The following SPHKAP variants were observed in gnomAD, a reference collection of about 807,000 sequenced individuals.
The protein encoded by SPHKAP is A-kinase anchor protein SPHKAP.
SPHKAP carries 67 observed loss-of-function variants against 137.5 expected under a neutral mutation model. The ratio of observed to expected loss-of-function variants is 0.49; its 90% CI spans 0.40 to 0.60. The LOEUF is 0.60. Ranked by LOEUF, SPHKAP falls within the 20% of genes least tolerant of loss-of-function variation. The probability of loss-of-function intolerance (pLI) is 0.00; values close to 1 mark genes in which losing one functional copy is unlikely to be tolerated. For missense variants in SPHKAP, 2,097 were observed against 2,069.3 expected (o/e 1.01, Z -0.26); for synonymous variants, 813 against 785.3 (o/e 1.04, Z -0.59).
At chr2:228,108,698 C>A in intron 3 of SPHKAP, 134 bp downstream of exon 3, 1 of 613,458 alleles carries the variant, frequency 1.6e-6, no homozygotes, top group Non-Finnish European at 2.8e-6. Context: ...CATATAAACC[C>A]GCTATGTATT....
At chr2:228,088,682 C>A (rs1697620134) in intron 3 of SPHKAP, among the ~76,000 whole-genome samples, 1 of 152,132 alleles carries the variant, frequency 6.6e-6, no homozygotes, top group African/African-American at 2.4e-5. Context: ...TGGCTTAGCA[C>A]CATCTACTTA....
At chr2:228,016,021 G>A (rs541379856) in intron 7 of SPHKAP, among the ~76,000 whole-genome samples, 41 of 152,194 alleles carry the variant, frequency 2.7e-4, no homozygotes, top group African/African-American at 9.2e-4. Context: ...TTAAAAGGTA[G>A]GAAACCGTAG....
intron 2 of SPHKAP, among the ~76,000 whole-genome samples, chr2:228,122,397 G>T (rs1044015871): frequency 6.6e-6 from 1 of 152,176 alleles, no homozygotes; most frequent in African/African-American, 2.4e-5. Context: ...ACAGAACAAG[G>T]TTGGCATGTT....
chr2:228,105,462 T>C (rs998056593), intron 3 of SPHKAP, among the ~76,000 whole-genome samples: 2 of 152,230 alleles, frequency 1.3e-5, no homozygotes, highest in Admixed American at 1.3e-4. Flanking sequence ...GGTTAGTATA[T>C]ATTTTTTCAG....
intron 11 of SPHKAP, among the ~76,000 whole-genome samples, chr2:227,983,633 T>C (rs1250162886): frequency 1.2e-5 from 1 of 84,454 alleles, no homozygotes; most frequent in Non-Finnish European, 3.3e-5. Flanking sequence ...GAAGACTGTT[T>C]GGAATGTGGA....
At chr2:228,124,803 C>A (rs1220632625) in intron 2 of SPHKAP, among the ~76,000 whole-genome samples, 1 of 152,148 alleles carries the variant, frequency 6.6e-6, no homozygotes, top group Non-Finnish European at 1.5e-5. Context: ...TGTGCCTGAA[C>A]ACATTAATTA....
At chr2:228,038,902 A>G (rs531198555) in intron 3 of SPHKAP, among the ~76,000 whole-genome samples, 1 of 152,376 alleles carries the variant, frequency 6.6e-6, no homozygotes, top group South Asian at 2.1e-4. Flanking sequence ...AGGTACAGGG[A>G]ATACGTACAG....
intron 3 of SPHKAP, among the ~76,000 whole-genome samples, chr2:228,105,638 G>A (rs892445941): frequency 3.3e-5 from 5 of 152,116 alleles, no homozygotes; most frequent in Non-Finnish European, 5.9e-5. Context: ...GTTGTGAGAG[G>A]GACCCAGTGG....
At chr2:228,160,702 A>G (rs1700249069) in intron 1 of SPHKAP, among the ~76,000 whole-genome samples, 1 of 152,178 alleles carries the variant, frequency 6.6e-6, no homozygotes, top group Non-Finnish European at 1.5e-5. Context: ...CCAATCAAAG[A>G]TACTTGATGG....
At position 227,980,895 on chromosome 2, in the gene SPHKAP, G is replaced by A. The variant is rs370766028; in HGVS notation, c.*822C>T. 1.9e-4 allele frequency: 29 copies of A among 152,222 alleles called. No individual in the cohort carries two copies. The East Asian group carries it at 3.5e-3, about 18-fold the overall frequency. 9.4% of individuals were successfully genotyped at this position (152,222 alleles called of 1,614,324 possible). On this transcript the variant is annotated 3_prime_UTR_variant, in exon 12 of 12. Coordinates refer to ENST00000392056, the MANE Select transcript of SPHKAP (RefSeq NM_001142644.2). ...TTACAATAAAATAAAGTGAAAGTTT[G>A]TATTTCATATTATTCAAGACACAAG...
chr2:228,142,937 T>G (rs957894386), intron 1 of SPHKAP, among the ~76,000 whole-genome samples: 1 of 152,182 alleles, frequency 6.6e-6, no homozygotes, highest in African/African-American at 2.4e-5. Flanking sequence ...CTGCCCATAC[T>G]TTCCACAACT....
Position 228,020,046 on chromosome 2 carries a change from C to T in SPHKAP, c.808G>A (p.Asp270Asn), listed in dbSNP as rs1694778062. The stretch of plus-strand genomic sequence containing the variant: ...GTGGGATATTTGTTGATGTATTTGT[C>T]TTCCAAAGCATAAAGCCACTTTTCC... ...NKEKWLYALE[D>N]KYINKYPTPL... The change falls in exon 7 of 12, where the codon GAC becomes AAC. Residue 270 changes from aspartate to asparagine, a missense_variant. Asp to Asn is a conservative substitution (Grantham distance 23). Coordinates refer to ENST00000392056, the MANE Select transcript of SPHKAP (RefSeq NM_001142644.2). 1 of 1,614,168 alleles carries T rather than the reference C, an allele frequency of 6.2e-7. No homozygotes were observed. The highest frequency in any genetic ancestry group is 8.5e-7 in the Non-Finnish European group (1 of 1,180,024).
In SPHKAP at chr2:228,017,395, G is replaced by C. The variant is rs771216954; in HGVS notation, c.3459C>G (p.Gly1153=). 2.8e-5 allele frequency: 45 copies of C among 1,613,918 alleles called. No homozygotes were observed. The highest frequency in any genetic ancestry group is 3.8e-5 in the Non-Finnish European group (45 of 1,180,010). ...GFELLLDYYA[G]KNASSILNSA... is the part of the protein sequence containing the mutation. ...AGTTCAGAATGCTGCTGGCGTTCTT[G>C]CCAGCATAGTAATCCAGCAGTAACT... Residue 1153 remains glycine (G), a synonymous_variant, in exon 7 of 12, where the codon GGC becomes GGG. Coordinates refer to ENST00000392056, the MANE Select transcript of SPHKAP (RefSeq NM_001142644.2).
chr2:228,005,942 A>T (rs1238139206), intron 7 of SPHKAP, among the ~76,000 whole-genome samples: 1 of 152,172 alleles, frequency 6.6e-6, no homozygotes, highest in Non-Finnish European at 1.5e-5. Context: ...TTTGTGGGTA[A>T]CCCGACCTTT....
intron 1 of SPHKAP, among the ~76,000 whole-genome samples, chr2:228,160,266 T>A (rs1700235133): frequency 6.6e-6 from 1 of 152,202 alleles, no homozygotes. Flanking sequence ...CTGAATGAAA[T>A]ACTTTAATAT....
intron 1 of SPHKAP, among the ~76,000 whole-genome samples, chr2:228,174,435 AC>A (rs1473421770): frequency 6.6e-6 from 1 of 152,128 alleles, no homozygotes; most frequent in Non-Finnish European, 1.5e-5. Flanking sequence ...GCATTAGAAA[AC>A]TGAGAGGAAC....
chr2:228,158,229 G>T (rs1212228728), intron 1 of SPHKAP, among the ~76,000 whole-genome samples: 1 of 151,818 alleles, frequency 6.6e-6, no homozygotes, highest in Admixed American at 6.6e-5. Context: ...TCCACTATCT[G>T]CATTCTTTAC....
At chr2:228,096,799 T>G (rs368388990) in intron 3 of SPHKAP, among the ~76,000 whole-genome samples, 4 of 152,190 alleles carry the variant, frequency 2.6e-5, no homozygotes, top group African/African-American at 9.7e-5. Flanking sequence ...ATTTCCCTTC[T>G]GCTTTTAGCA....
chr2:228,119,480 C>G (rs1192652343), intron 2 of SPHKAP, among the ~76,000 whole-genome samples: 3 of 151,902 alleles, frequency 2.0e-5, no homozygotes, highest in Admixed American at 1.3e-4. Flanking sequence ...CACTCTCTCT[C>G]TCTCTCTCTC....
Sources: gnomAD v4.1 joint callset for allele counts (sites outside exome capture counted in the v4.1 genomes callset) on GRCh38, gnomAD v4.1.1 for gene constraint, MANE v1.5 for transcripts, NCBI Gene and HGNC (gene_info 2026-07-23, HGNC 2026-07-21) for gene names.